ART3: variants seen among roughly 807,000 people sequenced by gnomAD.
ART3 encodes the protein ecto-ADP-ribosyltransferase 3.
Under a neutral mutation model 48.5 loss-of-function variants are expected in ART3, and 49 were observed. The ratio of observed to expected loss-of-function variants is 1.01; its 90% CI spans 0.80 to 1.28. The LOEUF is 1.28. ART3 is among the 50% of genes most tolerant of loss of function. ART3 has a pLI of 0.00. For synonymous variants in ART3, 145 were observed against 157.2 expected, an observed-to-expected ratio of 0.92 and a Z score of 0.58; for missense variants, 438 against 454.3, an observed-to-expected ratio of 0.96 and a Z score of 0.33.
Position 76,078,996 on chromosome 4 carries a change from G to T in ART3, c.70-2828G>T, listed in dbSNP as rs570195567. Among the ~76,000 whole-genome samples the T allele has an allele frequency of 2.6e-3, 391 of 152,220 alleles. 3 individuals carry two copies. Among genetic ancestry groups the T allele is most frequent in the African/African-American group, 9.0e-3 (375 of 41,540 alleles). On this transcript the variant is annotated intron_variant, in intron 2 of 11. Coordinates refer to ENST00000355810, the MANE Select transcript of ART3 (RefSeq NM_001130016.3). ...CTGGGGAGGCTGAAGCGGGAGAATG[G>T]CGTGAACCCGGCAGGCGGAGCTTGC...
At chr4:76,083,582 C>T (rs751508656) in intron 3 of ART3, among the ~76,000 whole-genome samples, 2 of 152,178 alleles carry the variant, frequency 1.3e-5, no homozygotes, top group African/African-American at 2.4e-5. Context: ...ACCATCCTTA[C>T]CATGTTTTGT....
intron 1 of ART3, among the ~76,000 whole-genome samples, chr4:76,042,594 C>T (rs1318140358): frequency 3.9e-5 from 6 of 152,174 alleles, no homozygotes; most frequent in East Asian, 1.9e-4. Context: ...CGGACCCTCG[C>T]GGTGAGTGTT....
In ART3 at chr4:76,082,062, C is replaced by G. The variant is rs774133085; in HGVS notation, c.308C>G (p.Ser103Cys). The stretch of plus-strand genomic sequence containing the variant: ...GGAATAGCCCTGATGGCATATATTT[C>G]CGAAGCTCAAGAGCAAACTCCCTTT... The part of the protein sequence containing the change: ...NHGIALMAYI[S>C]EAQEQTPFYH... Residue 103 changes from serine (S) to cysteine (C), a missense_variant, in exon 3 of 12, where the codon TCC (serine) becomes TGC (cysteine). Ser to Cys is a moderately radical substitution (Grantham distance 112). This residue lies in a region of ART3 where 206 missense variants were observed against 205.3 expected (regional missense o/e 1.00). Transcript: ENST00000355810. 1.2e-6 allele frequency: 2 copies of G among 1,614,084 alleles called. No homozygotes were observed. Among genetic ancestry groups the G allele is most frequent in the East Asian group, 4.5e-5 (2 of 44,900 alleles).
At position 76,029,646 on chromosome 4, in the gene ART3, T is replaced by G. The variant is rs544501863; in HGVS notation, c.-10+18326T>G. ...TGACCATATCATAAAGATTTATAATTGTTGGCTATGAAAATCTTTTCAGAA... is the reference window on the plus strand; with the variant it reads ...TGACCATATCATAAAGATTTATAATGGTTGGCTATGAAAATCTTTTCAGAA... On this transcript the variant is annotated intron_variant, in intron 1 of 9. Coordinates refer to the ART3 transcript ENST00000341029. 8.9e-4 allele frequency among the ~76,000 whole-genome samples: 136 copies of G among 152,242 alleles called. 1 individual carries two copies. The highest frequency in any genetic ancestry group is 3.2e-3 in the African/African-American group (133 of 41,522).
At chr4:76,109,368 G>GA (rs1328043083) in intron 11 of ART3, among the ~76,000 whole-genome samples, 4 of 151,970 alleles carry the variant, frequency 2.6e-5, no homozygotes, top group Admixed American at 2.0e-4. Flanking sequence ...TTGTTCCACT[G>GA]GAAGGTCTTC....
intron 1 of ART3, among the ~76,000 whole-genome samples, chr4:76,042,325 AT>A (rs1324105080): frequency 6.6e-6 from 1 of 152,226 alleles, no homozygotes; most frequent in Non-Finnish European, 1.5e-5. Flanking sequence ...AGGATATTTT[AT>A]TCAGTTAAGT....
chr4:76,047,614 C>T (rs1041376391), intron 1 of ART3, among the ~76,000 whole-genome samples: 7 of 151,932 alleles, frequency 4.6e-5, no homozygotes, highest in African/African-American at 9.7e-5. Flanking sequence ...CACAGGTCAA[C>T]AGATGTTTAC....
intron 1 of ART3, among the ~76,000 whole-genome samples, chr4:76,047,725 T>C (rs1403211918): frequency 6.6e-6 from 1 of 151,958 alleles, no homozygotes; most frequent in Non-Finnish European, 1.5e-5. Flanking sequence ...CAGCTGTCAT[T>C]CCATCATTTA....
chr4:76,050,907 GC>G (rs1736008972), intron 1 of ART3, among the ~76,000 whole-genome samples: 1 of 152,228 alleles, frequency 6.6e-6, no homozygotes, highest in South Asian at 2.1e-4. Flanking sequence ...CGGGTGCTAA[GC>G]CCCTCATTGC....
intron 2 of ART3, among the ~76,000 whole-genome samples, chr4:76,076,633 C>T (rs1721142615): frequency 6.6e-6 from 1 of 152,136 alleles, no homozygotes; most frequent in African/African-American, 2.4e-5. Flanking sequence ...TAAGTTAATA[C>T]TATGCTGCAT....
chr4:76,081,419 A>C (rs7662679), intron 2 of ART3, among the ~76,000 whole-genome samples: 1 of 152,144 alleles, frequency 6.6e-6, no homozygotes, highest in Non-Finnish European at 1.5e-5. Flanking sequence ...TGTGTTATAG[A>C]TCATGAATAA....
chr4:76,094,948 T>C (rs1021462114), intron 3 of ART3, among the ~76,000 whole-genome samples: 8 of 152,364 alleles, frequency 5.3e-5, no homozygotes, highest in African/African-American at 9.6e-5. Context: ...CCTTTGTATT[T>C]CAAATTAGTA....
At chr4:76,018,293 G>A (rs572383899) in intron 1 of ART3, among the ~76,000 whole-genome samples, 1 of 152,278 alleles carries the variant, frequency 6.6e-6, no homozygotes, top group African/African-American at 2.4e-5. Context: ...CAGCAACAGA[G>A]ATGAAGCTGG....
chr4:76,023,354 C>T, intron 1 of ART3: 9 of 1,588,262 alleles, frequency 5.7e-6, no homozygotes, highest in Non-Finnish European at 7.8e-6. Context: ...AATTAAGTAT[C>T]CTTTGATGTT....
At chr4:76,019,695 C>T (rs990146754) in intron 1 of ART3, among the ~76,000 whole-genome samples, 1 of 150,578 alleles carries the variant, frequency 6.6e-6, no homozygotes, top group African/African-American at 2.5e-5. Context: ...ACCTCGTGAT[C>T]CACCCATCTC....
chr4:76,013,572 C>T (rs183504672), intron 1 of ART3, among the ~76,000 whole-genome samples: 8 of 152,310 alleles, frequency 5.3e-5, no homozygotes, highest in African/African-American at 1.4e-4. Flanking sequence ...TCTTCATTCT[C>T]AGTTCTGTGT....
upstream of ART3, among the ~76,000 whole-genome samples, chr4:76,072,745 C>G (rs1720449724): frequency 6.6e-6 from 1 of 151,750 alleles, no homozygotes; most frequent in Non-Finnish European, 1.5e-5. Context: ...TCCCACCACC[C>G]CCTTACATCT....
chr4:76,086,406 G>A (rs1427523686), intron 3 of ART3, among the ~76,000 whole-genome samples: 6 of 152,124 alleles, frequency 3.9e-5, no homozygotes, highest in African/African-American at 1.4e-4. Flanking sequence ...TCAGTTATAT[G>A]TGGAATATAT....
chr4:76,046,424 T>C (rs1052383755), intron 1 of ART3, among the ~76,000 whole-genome samples: 1 of 152,088 alleles, frequency 6.6e-6, no homozygotes, highest in Non-Finnish European at 1.5e-5. Flanking sequence ...GTTCGGTTTT[T>C]GTACTCCTAG....
Sources: allele counts gnomAD v4.1 joint callset (sites outside exome capture counted in the v4.1 genomes callset), GRCh38; gene constraint gnomAD v4.1.1; regional missense constraint gnomAD v4.1.1; transcripts MANE v1.5; gene names NCBI Gene and HGNC (gene_info 2026-07-23, HGNC 2026-07-21).